ANKRD11: variants seen among roughly 807,000 people sequenced by gnomAD.
ANKRD11 encodes ankyrin repeat domain 11.
In ANKRD11, 17 loss-of-function variants were observed where a neutral mutation model predicts 195.7. That is an observed-to-expected ratio of 0.09 (90% CI 0.06 to 0.13). ANKRD11 has a LOEUF of 0.13. ANKRD11 is among the 10% of genes least tolerant of loss of function. The probability of loss-of-function intolerance (pLI) is 1.00; values close to 1 mark genes in which losing one functional copy is unlikely to be tolerated. For synonymous variants in ANKRD11, 1,953 were observed against 1,528.1 expected (o/e 1.28, Z -6.49); for missense variants, 3,735 against 3,566.1 (o/e 1.05, Z -1.21).
intron 2 of ANKRD11, among the ~76,000 whole-genome samples, chr16:89,365,368 G>A (rs1039011445): frequency 2.0e-5 from 3 of 152,152 alleles, no homozygotes; most frequent in Admixed American, 1.3e-4. Context: ...CCAAATCACT[G>A]GCTGCAAAGC....
chr16:89,286,352 G>T, intron 7 of ANKRD11, 166 bp from the exon 8 acceptor site: 2 of 1,010,250 alleles, frequency 2.0e-6, no homozygotes, highest in Non-Finnish European at 3.0e-6. Context: ...GCCTGGCGAG[G>T]CTCTGGGTGT....
chr16:89,439,460 C>T (rs756720107), intron 1 of ANKRD11, among the ~76,000 whole-genome samples: 1 of 152,196 alleles, frequency 6.6e-6, no homozygotes, highest in Non-Finnish European at 1.5e-5. Flanking sequence ...TCTGTATACA[C>T]TTTCAGTGCT....
intron 2 of ANKRD11, among the ~76,000 whole-genome samples, chr16:89,356,803 GA>G (rs1303057644): frequency 7.0e-6 from 1 of 143,300 alleles, no homozygotes; most frequent in Non-Finnish European, 1.5e-5. Flanking sequence ...AAAGAAAAAA[GA>G]AAAAAAAAGA....
chr16:89,316,434 G>A (rs1270667918), intron 3 of ANKRD11, among the ~76,000 whole-genome samples: 1 of 152,154 alleles, frequency 6.6e-6, no homozygotes, highest in Non-Finnish European at 1.5e-5. Flanking sequence ...CCAGGAAACT[G>A]CATCACCCCC....
chr16:89,481,807 C>T (rs1205859189), intron 1 of ANKRD11, among the ~76,000 whole-genome samples: 4 of 152,226 alleles, frequency 2.6e-5, no homozygotes, highest in Admixed American at 6.5e-5. Flanking sequence ...ACGTTACATG[C>T]GGCCTTCCCA....
intron 2 of ANKRD11, among the ~76,000 whole-genome samples, chr16:89,374,715 G>A (rs3096322): frequency 0.51 from 76,963 of 151,940 alleles, 20,402 homozygotes; most frequent in Middle Eastern, 0.69. Flanking sequence ...CTCAGGTAAG[G>A]ACCAGAAAAA....
intron 2 of ANKRD11, among the ~76,000 whole-genome samples, chr16:89,342,551 C>T (rs561175190): frequency 6.6e-6 from 1 of 152,244 alleles, no homozygotes; most frequent in Non-Finnish European, 1.5e-5. Flanking sequence ...TAGCACACCA[C>T]GTGCCTGAGC....
Position 89,470,576 on chromosome 16 carries a change from T to A in ANKRD11, c.-145+19669A>T, listed in dbSNP as rs530938124. 9.1e-3 allele frequency among the ~76,000 whole-genome samples: 1,387 copies of A among 152,266 alleles called. 17 individuals carry two copies. Among genetic ancestry groups the A allele is most frequent in the African/African-American group, 0.031 (1,302 of 41,554 alleles). ...ATCTCATGAAAGCAGCCAGGTGCGA[T>A]GGCTCACGCCTCTAATCCCAGCACT... On this transcript the variant is annotated intron_variant, in intron 1 of 12. Transcript: ENST00000301030.
At chr16:89,395,142 C>T (rs1307871481) in intron 2 of ANKRD11, among the ~76,000 whole-genome samples, 1 of 152,204 alleles carries the variant, frequency 6.6e-6, no homozygotes, top group African/African-American at 2.4e-5. Context: ...CAGGCAACAC[C>T]ACCACTCAAA....
intron 4 of ANKRD11, among the ~76,000 whole-genome samples, chr16:89,304,651 T>C (rs2036067799): frequency 6.8e-6 from 1 of 146,088 alleles, no homozygotes; most frequent in Non-Finnish European, 1.5e-5. Flanking sequence ...TGCACACAGA[T>C]ACACGGGCAT....
Position 89,317,084 on chromosome 16 carries a change from A to G in ANKRD11, c.-59-6T>C, listed in dbSNP as rs2037004510. The stretch of plus-strand genomic sequence containing the variant: ...GCTTCATCATCAACCGTCTGCTTCA[A>G]AAGAGAAGACACACAATTCACTGAA... On this transcript the variant is annotated splice_region_variant and splice_polypyrimidine_tract_variant and intron_variant, in intron 2 of 12. Transcript: ENST00000301030. 3.3e-6 allele frequency: 5 copies of G among 1,519,320 alleles called. No individual in the cohort carries two copies. The East Asian group carries it at 9.5e-5, about 29-fold the overall frequency. The allele number at this position is 1,519,320 out of a possible 1,614,324, so 94.1% of individuals were successfully genotyped here. A position where few individuals can be genotyped will look rare whatever the true frequency, so the allele number is the denominator to read the frequency against.
chr16:89,448,448 G>T (rs577040837), intron 1 of ANKRD11, among the ~76,000 whole-genome samples: 65 of 152,292 alleles, frequency 4.3e-4, no homozygotes, highest in Admixed American at 3.9e-3. Flanking sequence ...TCACACGAAA[G>T]TACTCAAAGT....
rs117997391 is a variant in ANKRD11 at position 89,280,366 on chromosome 16, G to A, written c.6176C>T (p.Pro2059Leu). The change falls in exon 9 of 13, where the codon CCC becomes CTC. Residue 2059 changes from proline to leucine, a missense_variant. Pro to Leu is a moderately conservative substitution (Grantham distance 98, BLOSUM62 -3). Coordinates refer to ENST00000301030, the MANE Select transcript of ANKRD11 (RefSeq NM_013275.6). ...GCTGAAGAAGGACTCCAGCCCGGAGGGAGGGGCGTAGGGAGCCGCCTCTGA... is the reference window on the plus strand; with the variant it reads ...GCTGAAGAAGGACTCCAGCCCGGAGAGAGGGGCGTAGGGAGCCGCCTCTGA... ...STSEAAPYAP[P>L]SGLESFFSNC... 36 of 1,567,474 alleles carry A rather than the reference G, an allele frequency of 2.3e-5. No homozygotes were observed. The highest frequency in any genetic ancestry group is 7.3e-5 in the Admixed American group (4 of 54,878).
chr16:89,391,333 G>A (rs992899395), intron 2 of ANKRD11, among the ~76,000 whole-genome samples: 1 of 152,158 alleles, frequency 6.6e-6, no homozygotes, highest in East Asian at 1.9e-4. Context: ...AGGGCTTGCG[G>A]TGGGTGCTGG....
chr16:89,319,805 G>T (rs189270661), intron 2 of ANKRD11, among the ~76,000 whole-genome samples: 1 of 152,362 alleles, frequency 6.6e-6, no homozygotes, highest in East Asian at 1.9e-4. Flanking sequence ...CCACTCTAGA[G>T]TCTTTTTCAA....
chr16:89,348,648 T>C (rs2039055500), intron 2 of ANKRD11, among the ~76,000 whole-genome samples: 1 of 152,238 alleles, frequency 6.6e-6, no homozygotes, highest in African/African-American at 2.4e-5. Context: ...ATTTAAGCTA[T>C]CTATTTCTTC....
chr16:89,384,879 C>CTTTTTTTT lies in ANKRD11; in HGVS notation c.-60+33397_-60+33404dup, dbSNP rs869271846. Among the ~76,000 whole-genome samples, 290 of 49,934 alleles carry CTTTTTTTT rather than the reference C, an allele frequency of 5.8e-3. 39 individuals carry two copies. Among genetic ancestry groups the CTTTTTTTT allele is most frequent in the African/African-American group, 8.1e-3 (102 of 12,616 alleles). The allele number at this position is 49,934 out of a possible 152,430, so 32.8% of individuals were successfully genotyped here. A position where few individuals can be genotyped will look rare whatever the true frequency, so the allele number is the denominator to read the frequency against. ...GGAGCACACAATGAGAAATAGTTTT[C>CTTTTTTTT]TTTTTTTTTTTTTTTTTTTTTTTTT... is the stretch of plus-strand genomic sequence containing the variant. On this transcript the variant is annotated intron_variant, in intron 2 of 12. Coordinates refer to ENST00000301030, the MANE Select transcript of ANKRD11 (RefSeq NM_013275.6).
chr16:89,313,176 G>C, intron 3 of ANKRD11: 1 of 873,742 alleles, frequency 1.1e-6, no homozygotes, highest in East Asian at 6.4e-5. Flanking sequence ...ACCACCAAGT[G>C]AAGCTCAGGG....
At chr16:89,299,266 G>C (rs1249800496) in intron 4 of ANKRD11, 1 of 189,260 alleles carries the variant, frequency 5.3e-6, no homozygotes, top group Admixed American at 5.9e-5. Context: ...AGATCTACAG[G>C]GGAGGGGCCT....
Sources: allele counts gnomAD v4.1 joint callset (sites outside exome capture counted in the v4.1 genomes callset), GRCh38; gene constraint gnomAD v4.1.1; transcripts MANE v1.5; gene names NCBI Gene and HGNC (gene_info 2026-07-23, HGNC 2026-07-21).